GPC5: variants seen among roughly 807,000 people sequenced by gnomAD.
GPC5 encodes the protein glypican 5, also known as glypican-5.
A neutral mutation model predicts 53.9 loss-of-function variants in GPC5; 47 were observed. The observed-to-expected ratio is 0.87, with a 90% confidence interval of 0.69 to 1.11. The LOEUF (loss-of-function observed/expected upper bound fraction) is 1.11, where lower values mean the gene tolerates loss of function less well. GPC5 is among the 50% of genes most tolerant of loss of function. The pLI is 0.00. For synonymous variants in GPC5, 286 were observed against 263.3 expected (o/e 1.09, Z -0.84); for missense variants, 748 against 713.1 (o/e 1.05, Z -0.56).
intron 5 of GPC5, among the ~76,000 whole-genome samples, chr13:91,904,111 G>A (rs1363043001): frequency 9.3e-6 from 1 of 107,068 alleles, no homozygotes; most frequent in Non-Finnish European, 2.0e-5. Flanking sequence ...GGATTGTTTT[G>A]TTTTGCTTAG....
chr13:91,575,713 GT>G (rs2139053390), intron 2 of GPC5, among the ~76,000 whole-genome samples: 1 of 152,144 alleles, frequency 6.6e-6, no homozygotes, highest in Admixed American at 6.6e-5. Context: ...GAAATACAAT[GT>G]ATATGAGACC....
intron 2 of GPC5, among the ~76,000 whole-genome samples, chr13:91,607,753 C>A (rs907847654): frequency 6.6e-6 from 1 of 152,114 alleles, no homozygotes; most frequent in Non-Finnish European, 1.5e-5. Flanking sequence ...CCCTGAAAGA[C>A]AATCACATGG....
intron 1 of GPC5, among the ~76,000 whole-genome samples, chr13:91,425,716 G>T (rs528628628): frequency 3.9e-4 from 59 of 152,248 alleles, no homozygotes; most frequent in African/African-American, 1.3e-3. Context: ...ACAATAAATG[G>T]ATACCATGGA....
At chr13:92,040,093 G>A (rs1013458067) in intron 6 of GPC5, among the ~76,000 whole-genome samples, 3 of 152,198 alleles carry the variant, frequency 2.0e-5, no homozygotes, top group Non-Finnish European at 4.4e-5. Context: ...TAATTAAAAT[G>A]AGCCTCTTAG....
At chr13:92,791,734 A>C (rs1876470986) in intron 7 of GPC5, among the ~76,000 whole-genome samples, 1 of 152,078 alleles carries the variant, frequency 6.6e-6, no homozygotes, top group Non-Finnish European at 1.5e-5. Flanking sequence ...TTATTTTGTA[A>C]CAGCTTTATA....
At chr13:91,473,838 C>G (rs913718510) in intron 2 of GPC5, among the ~76,000 whole-genome samples, 2 of 152,156 alleles carry the variant, frequency 1.3e-5, no homozygotes, top group Non-Finnish European at 2.9e-5. Context: ...TTTTCTTCCT[C>G]AAGCACTCTA....
At chr13:92,505,864 G>C (rs1880347634) in intron 7 of GPC5, among the ~76,000 whole-genome samples, 4 of 152,082 alleles carry the variant, frequency 2.6e-5, no homozygotes, top group Admixed American at 6.6e-5. Flanking sequence ...GTATCAAAAA[G>C]TTACAGCCTC....
intron 7 of GPC5, among the ~76,000 whole-genome samples, chr13:92,351,630 T>C (rs985567337): frequency 6.6e-5 from 10 of 152,124 alleles, no homozygotes; most frequent in African/African-American, 1.9e-4. Context: ...TTTGATATAA[T>C]ACAAGTGTTT....
At chr13:92,623,833 GTC>G (rs1023820140) in intron 7 of GPC5, among the ~76,000 whole-genome samples, 1 of 149,880 alleles carries the variant, frequency 6.7e-6, no homozygotes, top group Non-Finnish European at 1.5e-5. Flanking sequence ...CCCTTAGAAA[GTC>G]TACTGATAGT....
At chr13:92,477,364 G>A (rs1236940613) in intron 7 of GPC5, among the ~76,000 whole-genome samples, 1 of 152,100 alleles carries the variant, frequency 6.6e-6, no homozygotes. Context: ...ATACTTTAGA[G>A]TCCTCAGCCC....
chr13:92,707,971 A>C (rs2139263759), intron 7 of GPC5, among the ~76,000 whole-genome samples: 1 of 152,246 alleles, frequency 6.6e-6, no homozygotes, highest in South Asian at 2.1e-4. Context: ...TATTGCAAGG[A>C]GACACCACCT....
At position 92,732,832 on chromosome 13, in the gene GPC5, C is replaced by T. The variant is rs74994156; in HGVS notation, c.1562-133450C>T. On this transcript the variant is annotated intron_variant, in intron 7 of 7. Coordinates refer to ENST00000377067, the MANE Select transcript of GPC5 (RefSeq NM_004466.6). ...TCTTTTCATAACTCACTGGCTTGCT[C>T]CTTTGAAGCTGTCTGCCTCACTTAA... Among the ~76,000 whole-genome samples, 1,048 of 151,750 alleles carry T rather than the reference C, an allele frequency of 6.9e-3. 2 individuals are homozygous for T. The highest frequency in any genetic ancestry group is 0.012 in the Non-Finnish European group (796 of 67,744).
intron 2 of GPC5, among the ~76,000 whole-genome samples, chr13:91,682,064 A>C (rs146591242): frequency 7.9e-5 from 12 of 152,258 alleles, no homozygotes; most frequent in African/African-American, 2.4e-4. Context: ...AGAATCTGGA[A>C]CCAAATACTC....
At chr13:92,655,325 A>ATTTT (rs1427499022) in intron 7 of GPC5, among the ~76,000 whole-genome samples, 15 of 136,442 alleles carry the variant, frequency 1.1e-4, no homozygotes, top group African/African-American at 3.5e-4. Flanking sequence ...TTATTTATTT[A>ATTTT]TTTATTTTAT....
chr13:91,932,945 T>C (rs920164707), intron 6 of GPC5, among the ~76,000 whole-genome samples: 1 of 152,102 alleles, frequency 6.6e-6, no homozygotes, highest in Admixed American at 6.6e-5. Context: ...AATAAGTTCA[T>C]AAAATCTAGG....
chr13:92,769,766 T>C (rs1241332743), intron 7 of GPC5, among the ~76,000 whole-genome samples: 2 of 152,206 alleles, frequency 1.3e-5, no homozygotes, highest in Non-Finnish European at 2.9e-5. Context: ...GTGATAGATA[T>C]GTCTAAAAGT....
At chr13:91,738,933 T>G (rs2036870822) in intron 4 of GPC5, among the ~76,000 whole-genome samples, 1 of 151,436 alleles carries the variant, frequency 6.6e-6, no homozygotes, top group African/African-American at 2.5e-5. Flanking sequence ...CTGGTGCTCT[T>G]GTTTTTTTCT....
At chr13:92,490,754 C>A (rs115325410) in intron 7 of GPC5, among the ~76,000 whole-genome samples, 6,116 of 152,070 alleles carry the variant, frequency 0.04, 425 homozygotes, top group African/African-American at 0.14. Context: ...AAGGAATTAA[C>A]CGTGTAACAG....
At chr13:92,469,689 ACTT>A (rs959973501) in intron 7 of GPC5, among the ~76,000 whole-genome samples, 3 of 152,084 alleles carry the variant, frequency 2.0e-5, no homozygotes, top group African/African-American at 7.2e-5. Context: ...GTTTAATTGA[ACTT>A]CTTGTAACTT....
Sources: allele counts gnomAD v4.1 joint callset (sites outside exome capture counted in the v4.1 genomes callset), GRCh38; gene constraint gnomAD v4.1.1; transcripts MANE v1.5; gene names NCBI Gene and HGNC (gene_info 2026-07-23, HGNC 2026-07-21).